OSBPL5: variants seen among roughly 807,000 people sequenced by gnomAD.
OSBPL5 encodes oxysterol-binding protein-related protein 5.
OSBPL5 carries 71 observed loss-of-function variants against 111.2 expected under a neutral mutation model. The ratio of observed to expected loss-of-function variants is 0.64; its 90% CI spans 0.53 to 0.78. The LOEUF is 0.78. Among genes scored for constraint, OSBPL5 ranks in the 30% least tolerant of loss-of-function variants. OSBPL5 has a pLI of 0.00. For synonymous variants in OSBPL5, 549 were observed against 513.9 expected, an observed-to-expected ratio of 1.07 and a Z score of -0.93; for missense variants, 1,210 against 1,189.3, an observed-to-expected ratio of 1.02 and a Z score of -0.26.
chr11:3,157,675 G>A (rs372595161), intron 1 of OSBPL5, among the ~76,000 whole-genome samples: 1 of 152,234 alleles, frequency 6.6e-6, no homozygotes, highest in Non-Finnish European at 1.5e-5. Context: ...AGATGAAGGC[G>A]GCCCCGCCCT....
chr11:3,121,800 T>G lies in OSBPL5; in HGVS notation c.402+197A>C. The G allele has an allele frequency of 1.7e-6, 1 of 599,898 alleles. No individual in the cohort carries two copies. The highest frequency in any genetic ancestry group is 3.0e-6 in the Non-Finnish European group (1 of 336,386). The allele number at this position is 599,898 out of a possible 1,614,324, so 37.2% of individuals were successfully genotyped here. Reference sequence around the variant, plus strand: ...GTAAGGTGGCCCTAATTCCTACCACTGGTGTCCTTATAAAAAGGGGGAGAG... The same window carrying G: ...GTAAGGTGGCCCTAATTCCTACCACGGGTGTCCTTATAAAAAGGGGGAGAG... On this transcript the variant is annotated intron_variant, in intron 5 of 21. Coordinates refer to ENST00000263650, the MANE Select transcript of OSBPL5 (RefSeq NM_020896.4). The surrounding 1 kb of genome is among the most constrained non-coding windows in gnomAD (Gnocchi z 4.3).
rs749195547 is a variant in OSBPL5, at chr11:3,104,379, T to C, written c.1060-2A>G. 1.2e-6 allele frequency: 2 copies of C among 1,607,868 alleles called. No homozygotes were observed. The highest frequency in any genetic ancestry group is 1.7e-6 in the Non-Finnish European group (2 of 1,179,482). On this transcript the variant is annotated splice_acceptor_variant, in intron 9 of 21. Transcript: ENST00000263650. LOFTEE classifies it high-confidence loss of function. This position sits in a 1 kb window ranked among gnomAD's most constrained non-coding sequence, Gnocchi z 5.0. ...CTCCACCTGGGACGCCTCGCCCAGCTGCAGCAGACAGGCTGCAGTCAGGCC... is the reference window on the plus strand; with the variant it reads ...CTCCACCTGGGACGCCTCGCCCAGCCGCAGCAGACAGGCTGCAGTCAGGCC...
At chr11:3,094,663 G>A (rs573672486) in intron 14 of OSBPL5, 8 of 274,976 alleles carry the variant, frequency 2.9e-5, no homozygotes, top group South Asian at 1.6e-4. Context: ...GTCAGGTGTC[G>A]CCTCCTGTTC....
In OSBPL5 at chr11:3,093,578, A is replaced by G. The variant is rs752067625; in HGVS notation, c.1895T>C (p.Leu632Pro). The G allele has an allele frequency of 6.2e-7, 1 of 1,612,342 alleles. No homozygotes were observed. The highest frequency in any genetic ancestry group is 1.1e-5 in the South Asian group (1 of 91,086). ...TPSGEVRRQR[L>P]RQHTVPLEEQ... ...CTCCAGCGGCACCGTGTGCTGCCTC[A>G]GCCTCTGTCTGCGGACCTCCCCGCT... The change falls in exon 17 of 22, where the codon CTG becomes CCG. Residue 632 changes from leucine (L) to proline (P), a missense_variant. Transcript: ENST00000263650.
chr11:3,137,639 C>G (rs1226006870), intron 1 of OSBPL5, among the ~76,000 whole-genome samples: 1 of 152,070 alleles, frequency 6.6e-6, no homozygotes, highest in Admixed American at 6.5e-5. Flanking sequence ...ATAGCGAGAC[C>G]CTGTCTCTAC....
intron 1 of OSBPL5, among the ~76,000 whole-genome samples, chr11:3,137,551 G>A (rs1845983731): frequency 6.6e-6 from 1 of 152,204 alleles, no homozygotes; most frequent in Admixed American, 6.5e-5. Flanking sequence ...GGGATTACAA[G>A]CCTGTAATCC....
intron 1 of OSBPL5, among the ~76,000 whole-genome samples, chr11:3,157,683 C>T (rs113527243): frequency 2.5e-4 from 38 of 152,364 alleles, no homozygotes; most frequent in African/African-American, 8.7e-4. Context: ...GCGGCCCCGC[C>T]CTCGGCCGGC....
rs192669939 is a variant in OSBPL5 at position 3,155,778 on chromosome 11, G to A, written c.-22+9438C>T. On this transcript the variant is annotated intron_variant, in intron 1 of 21. Transcript: ENST00000263650. ...TAACCCAGCTTTGTGGAGATGCCGC[G>A]GGTCTGGGGCTTGGCTGGTATTCCC... Among the ~76,000 whole-genome samples the A allele has an allele frequency of 2.1e-4, 32 of 152,356 alleles. No individual in the cohort carries two copies. The South Asian group carries it at 3.3e-3, about 16-fold the overall frequency.
intron 1 of OSBPL5, among the ~76,000 whole-genome samples, chr11:3,131,856 A>ATCCATCCATCCTCCTGT (rs1564850333): frequency 2.4e-5 from 1 of 41,698 alleles, no homozygotes; most frequent in Admixed American, 2.5e-4. Flanking sequence ...CACCCACCAA[A>ATCCATCCATCCTCCTGT]CCATCCATCC....
rs763512083 is a variant in OSBPL5, at chr11:3,104,415, G to C, written c.1060-38C>G. ...GGCTGCAGTCAGGCCCTGCCCGGAA[G>C]AGCCGGGAGGAAGGGGTGGCGGGAC... On this transcript the variant is annotated intron_variant, in intron 9 of 21. Transcript: ENST00000263650. The surrounding 1 kb of genome is among the most constrained non-coding windows in gnomAD (Gnocchi z 5.0). The C allele has an allele frequency of 2.5e-6, 4 of 1,592,288 alleles. No individual in the cohort carries two copies. The South Asian group carries it at 4.4e-5, about 18-fold the overall frequency.
intron 1 of OSBPL5, among the ~76,000 whole-genome samples, chr11:3,160,672 T>TGC: frequency 8.2e-6 from 1 of 122,534 alleles, no homozygotes; most frequent in African/African-American, 3.1e-5. Context: ...ATGACAACCC[T>TGC]CCCCCCCCCC....
chr11:3,112,079 G>A (rs1330811200), intron 7 of OSBPL5, among the ~76,000 whole-genome samples: 1 of 134,130 alleles, frequency 7.5e-6, no homozygotes, highest in African/African-American at 2.8e-5. Flanking sequence ...GTGTGCATGT[G>A]TGTGTGCATG....
At chr11:3,160,741 C>T (rs1465200893) in intron 1 of OSBPL5, among the ~76,000 whole-genome samples, 2 of 151,138 alleles carry the variant, frequency 1.3e-5, no homozygotes, top group African/African-American at 4.9e-5. Flanking sequence ...CCCTCCGCAA[C>T]GCCGGGATAC....
intron 19 of OSBPL5, 21 bp from the exon 20 acceptor site, chr11:3,090,717 T>G: frequency 6.2e-7 from 1 of 1,601,136 alleles, no homozygotes; most frequent in Non-Finnish European, 8.5e-7. Flanking sequence ...ATGGAGCTGC[T>G]GCAGCTGAAA....
chr11:3,088,456 G>A, intron 21 of OSBPL5, 113 bp from the exon 22 acceptor site: 2 of 1,228,488 alleles, frequency 1.6e-6, no homozygotes, highest in Non-Finnish European at 2.1e-6. Flanking sequence ...CAGGGCCGAG[G>A]TGGAGATGGG....
intron 15 of OSBPL5, 92 bp downstream of exon 15, chr11:3,094,145 C>CA: frequency 7.8e-7 from 1 of 1,279,246 alleles, no homozygotes; most frequent in Non-Finnish European, 1.1e-6. Flanking sequence ...CCTTGGGGAA[C>CA]CTTCCTTGGG....
chr11:3,115,314 G>A (rs1467485513), intron 7 of OSBPL5, among the ~76,000 whole-genome samples: 1 of 152,106 alleles, frequency 6.6e-6, no homozygotes, highest in Non-Finnish European at 1.5e-5. Context: ...TTTAAATCAA[G>A]GTTATTCCGT....
intron 1 of OSBPL5, among the ~76,000 whole-genome samples, chr11:3,139,534 A>G (rs555890670): frequency 6.6e-6 from 1 of 152,300 alleles, no homozygotes; most frequent in South Asian, 2.1e-4. Context: ...GCCAGTGAGC[A>G]GGGGGCTTTA....
intron 14 of OSBPL5, among the ~76,000 whole-genome samples, chr11:3,096,662 T>C (rs935271253): frequency 6.6e-6 from 1 of 150,826 alleles, no homozygotes; most frequent in African/African-American, 2.4e-5. Flanking sequence ...AGGGAAATCC[T>C]TAACTTTAGT....
Sources: gnomAD v4.1 joint callset for allele counts (sites outside exome capture counted in the v4.1 genomes callset) on GRCh38, gnomAD v4.1.1 for gene constraint, Gnocchi (gnomAD v3.1) non-coding constraint, MANE v1.5 for transcripts, NCBI Gene and HGNC (gene_info 2026-07-23, HGNC 2026-07-21) for gene names.